Variants in MCMBP observed in about 807,000 individuals in gnomAD.
MCMBP encodes mini-chromosome maintenance complex-binding protein.
In MCMBP, 31 loss-of-function variants were observed where a neutral mutation model predicts 81.3. That is an observed-to-expected ratio of 0.38 (90% confidence interval 0.29 to 0.51). MCMBP has a LOEUF of 0.51. Ranked by LOEUF, MCMBP falls within the 20% of genes least tolerant of loss-of-function variation. The probability of loss-of-function intolerance (pLI) is 0.87; values close to 1 mark genes in which losing one functional copy is unlikely to be tolerated. For missense variants in MCMBP, 645 were observed against 772.1 expected (o/e 0.84, Z 1.95); for synonymous variants, 267 against 275.9 (o/e 0.97, Z 0.32).
At position 119,872,512 on chromosome 10, in the gene MCMBP, G is replaced by T; in HGVS notation, c.58+15C>A. The T allele has an allele frequency of 9.5e-7, 1 of 1,056,750 alleles. No individual in the cohort carries two copies. The highest frequency in any genetic ancestry group is 1.2e-6 in the Non-Finnish European group (1 of 835,738). 65.5% of individuals were successfully genotyped at this position (1,056,750 alleles called of 1,614,324 possible). ...CGGCTGCCCGCCCGGCCCGCCCCCC[G>T]GCGCCGCCACTCACCGAAGAATCCC... On this transcript the variant is annotated intron_variant, in intron 1 of 15. Coordinates refer to ENST00000369077, the MANE Select transcript of MCMBP (RefSeq NM_001256378.2).
At chr10:119,838,816 A>G in intron 11 of MCMBP, 116 bp from the exon 12 acceptor site, 1 of 901,566 alleles carries the variant, frequency 1.1e-6, no homozygotes, top group Non-Finnish European at 1.6e-6. Flanking sequence ...TAAATTTCTA[A>G]GGGAGTAGTG....
intron 1 of MCMBP, among the ~76,000 whole-genome samples, chr10:119,867,461 CTTCT>C (rs374382284): frequency 6.6e-6 from 1 of 152,168 alleles, no homozygotes; most frequent in African/African-American, 2.4e-5. Context: ...AGCTATTCTT[CTTCT>C]TTGAGAACGC....
intron 1 of MCMBP, 77 bp downstream of exon 1, chr10:119,872,450 C>A: frequency 1.1e-6 from 1 of 910,172 alleles, no homozygotes. Context: ...CGCGTGGGGG[C>A]CGCGCGGCGG....
intron 14 of MCMBP, among the ~76,000 whole-genome samples, chr10:119,833,189 C>T (rs1029467777): frequency 2.0e-5 from 3 of 152,216 alleles, no homozygotes; most frequent in Non-Finnish European, 1.5e-5. Flanking sequence ...GCAGAGACTT[C>T]AGTGCCCACA....
chr10:119,862,434 G>T (rs1853292799), intron 1 of MCMBP, among the ~76,000 whole-genome samples: 1 of 152,116 alleles, frequency 6.6e-6, no homozygotes, highest in Non-Finnish European at 1.5e-5. Context: ...TAAATCTTAG[G>T]AGGAGTACAA....
At chr10:119,858,003 T>C (rs970197520) in intron 4 of MCMBP, 2 of 152,282 alleles carry the variant, frequency 1.3e-5, no homozygotes, top group Non-Finnish European at 2.9e-5. Flanking sequence ...ACCTTACACA[T>C]GATGAACTTC....
chr10:119,855,612 A>G (rs1442007908), intron 5 of MCMBP, among the ~76,000 whole-genome samples: 5 of 152,104 alleles, frequency 3.3e-5, no homozygotes, highest in African/African-American at 9.7e-5. Context: ...CTGAGGTTGC[A>G]GTGAGCCGAG....
intron 1 of MCMBP, among the ~76,000 whole-genome samples, chr10:119,864,499 C>T (rs1589800609): frequency 1.4e-5 from 2 of 142,450 alleles, no homozygotes; most frequent in Admixed American, 1.4e-4. Context: ...ATTTGTCTTC[C>T]TTTTTTTCTT....
intron 10 of MCMBP, 26 bp downstream of exon 10, chr10:119,842,446 A>G (rs1486744476): frequency 1.3e-6 from 2 of 1,597,228 alleles, no homozygotes; most frequent in Non-Finnish European, 1.7e-6. Flanking sequence ...AAACTCCCCT[A>G]ATTCCCACCA....
chr10:119,848,151 AG>A (rs1852681896), intron 7 of MCMBP, among the ~76,000 whole-genome samples: 1 of 150,156 alleles, frequency 6.7e-6, no homozygotes, highest in Non-Finnish European at 1.5e-5. Flanking sequence ...AATGGCCAGA[AG>A]ATTTTTCACA....
intron 1 of MCMBP, among the ~76,000 whole-genome samples, chr10:119,860,294 A>C (rs959408793): frequency 6.6e-6 from 1 of 152,210 alleles, no homozygotes; most frequent in African/African-American, 2.4e-5. Flanking sequence ...TGAAATAAAG[A>C]GCCTAAGTTT....
At chr10:119,859,630 G>A (rs1377676097) in intron 2 of MCMBP, among the ~76,000 whole-genome samples, 169 bp downstream of exon 2, 2 of 152,086 alleles carry the variant, frequency 1.3e-5, no homozygotes, top group Non-Finnish European at 2.9e-5. Flanking sequence ...GTATTTACAT[G>A]CTTAAACTTA....
intron 7 of MCMBP, 116 bp downstream of exon 7, chr10:119,849,309 G>C (rs939274038): frequency 9.6e-7 from 1 of 1,044,272 alleles, no homozygotes; most frequent in Non-Finnish European, 1.4e-6. Flanking sequence ...TATTAAATTT[G>C]CAGTGATTTG....
intron 5 of MCMBP, among the ~76,000 whole-genome samples, chr10:119,855,221 A>C (rs1852993042): frequency 6.6e-6 from 1 of 152,228 alleles, no homozygotes; most frequent in African/African-American, 2.4e-5. Context: ...AAGGGAAATT[A>C]GAAAATATTT....
chr10:119,831,716 GTATGGTAGT>G (rs1852044467), intron 15 of MCMBP, 116 bp from the exon 16 acceptor site: 1 of 1,200,792 alleles, frequency 8.3e-7, no homozygotes, highest in Non-Finnish European at 1.1e-6. Flanking sequence ...AGACAAGACC[GTATGGTAGT>G]TACACACAAG....
chr10:119,831,648 A>C (rs1328765826), intron 15 of MCMBP, 48 bp from the exon 16 acceptor site: 2 of 1,594,008 alleles, frequency 1.3e-6, no homozygotes, highest in East Asian at 2.2e-5. Flanking sequence ...TGGGATAGTA[A>C]GTTTTAAATT....
intron 8 of MCMBP, among the ~76,000 whole-genome samples, chr10:119,845,462 T>C (rs1217334770): frequency 3.9e-5 from 6 of 152,306 alleles, no homozygotes; most frequent in Middle Eastern, 3.4e-3. Context: ...TTACCTTTTA[T>C]AGAAGAAAAA....
intron 14 of MCMBP, among the ~76,000 whole-genome samples, chr10:119,832,925 G>A (rs1012782611): frequency 1.3e-5 from 2 of 152,180 alleles, no homozygotes; most frequent in African/African-American, 4.8e-5. Context: ...AAAACCTTAA[G>A]TATGTAACTC....
intron 12 of MCMBP, among the ~76,000 whole-genome samples, chr10:119,837,405 C>G (rs529339592): frequency 6.6e-6 from 1 of 152,250 alleles, no homozygotes; most frequent in South Asian, 2.1e-4. Flanking sequence ...TTCCCCTTTG[C>G]CTTAAACATG....
Sources: allele counts gnomAD v4.1 joint callset (sites outside exome capture counted in the v4.1 genomes callset), GRCh38; gene constraint gnomAD v4.1.1; transcripts MANE v1.5; gene names NCBI Gene and HGNC (gene_info 2026-07-23, HGNC 2026-07-21).